The following ZDHHC15 variants were observed in gnomAD, a reference collection of about 807,000 sequenced individuals.
ZDHHC15 encodes palmitoyltransferase ZDHHC15.
A neutral mutation model predicts 31.7 loss-of-function variants in ZDHHC15; 19 were observed. The observed-to-expected ratio is 0.60, with a 90% CI of 0.42 to 0.88. The LOEUF (loss-of-function observed/expected upper bound fraction) is 0.88. Among genes scored for constraint, ZDHHC15 ranks in the 40% least tolerant of loss-of-function variants. The pLI is 0.00. For missense variants in ZDHHC15, 209 were observed against 251.2 expected, an observed-to-expected ratio of 0.83 and a Z score of 1.14; for synonymous variants, 103 against 90.0, an observed-to-expected ratio of 1.14 and a Z score of -0.82.
At chrX:75,478,309 T>A (rs748297609) in intron 3 of ZDHHC15, among the ~76,000 whole-genome samples, 1 of 111,741 alleles carries the variant, frequency 8.9e-6, no homozygotes, top group South Asian at 3.8e-4. Flanking sequence ...TTCATAGAAT[T>A]GAATTAGATG....
intron 10 of ZDHHC15, among the ~76,000 whole-genome samples, chrX:75,385,048 A>G (rs1365967109): frequency 1.8e-5 from 2 of 111,947 alleles, no homozygotes; most frequent in African/African-American, 6.5e-5. Context: ...GGCAGTTTTG[A>G]AATTCCTAGG....
chrX:75,413,667 GA>G (rs773081879), intron 10 of ZDHHC15, among the ~76,000 whole-genome samples: 56 of 60,849 alleles, frequency 9.2e-4, no homozygotes, highest in Non-Finnish European at 1.4e-3. Flanking sequence ...TCCGTCTCAA[GA>G]AAAAAAAAAA....
At position 75,384,719 on chromosome X, in the gene ZDHHC15, G is replaced by C. The variant is rs969410126; in HGVS notation, c.968-5521C>G. ...AAATAAGCCAAAGAGAAAGGTACCT[G>C]TGTTCAACTAAAGTGCCAGCCTGCT... is the stretch of plus-strand genomic sequence containing the variant. On this transcript the variant is annotated intron_variant, in intron 10 of 11. Coordinates refer to ENST00000373367, the MANE Select transcript of ZDHHC15 (RefSeq NM_144969.3). 3.7e-5 allele frequency: 30 copies of C among 805,279 alleles called. No individual in the cohort carries two copies. In the African/African-American group the frequency reaches 5.9e-4, roughly 16 times the overall value. 66.4% of individuals were successfully genotyped at this position (805,279 alleles called of 1,213,427 possible).
chrX:75,379,652 T>A (rs747895554), intron 10 of ZDHHC15, among the ~76,000 whole-genome samples: 1 of 112,301 alleles, frequency 8.9e-6, no homozygotes, highest in South Asian at 3.7e-4. Context: ...ACAAGCAACA[T>A]CATTTATGGT....
chrX:75,451,582 G>A (rs1395958451), intron 3 of ZDHHC15, among the ~76,000 whole-genome samples: 5 of 111,370 alleles, frequency 4.5e-5, no homozygotes, highest in African/African-American at 9.8e-5. Flanking sequence ...TATCTGTGCC[G>A]AAGGGTAGAC....
At chrX:75,492,277 G>A (rs1052858454) in intron 2 of ZDHHC15, among the ~76,000 whole-genome samples, 3 of 111,451 alleles carry the variant, frequency 2.7e-5, no homozygotes, top group Admixed American at 1.9e-4. Flanking sequence ...CCAGATTCAT[G>A]AAGCAAGTCC....
chrX:75,395,782 CT>C (rs1439333819), intron 10 of ZDHHC15, among the ~76,000 whole-genome samples: 2 of 111,576 alleles, frequency 1.8e-5, no homozygotes, highest in Non-Finnish European at 3.8e-5. Context: ...CATTACCTGA[CT>C]GCAAAGCAGA....
At chrX:75,454,143 T>C (rs1310392868) in intron 3 of ZDHHC15, among the ~76,000 whole-genome samples, 1 of 111,603 alleles carries the variant, frequency 9.0e-6, no homozygotes, top group Admixed American at 9.5e-5. Flanking sequence ...GAAAACCCCA[T>C]CGTCTCAGCC....
intron 2 of ZDHHC15, among the ~76,000 whole-genome samples, chrX:75,495,713 T>C (rs1442915947): frequency 4.2e-5 from 4 of 95,177 alleles, no homozygotes; most frequent in African/African-American, 1.6e-4. Context: ...TTCTCACTCA[T>C]AGGTGGGAAT....
In ZDHHC15 at chrX:75,410,008, C is replaced by T. The variant is rs139767630; in HGVS notation, c.967+7079G>A. ...TAGAAAGAACAGTCTCTTCAGCTGA[C>T]GGTGCTGTGAAAACTGGACAACCAT... On this transcript the variant is annotated intron_variant, in intron 10 of 11. Coordinates refer to ENST00000373367, the MANE Select transcript of ZDHHC15 (RefSeq NM_144969.3). Among the ~76,000 whole-genome samples, 121 of 110,585 alleles carry T rather than the reference C, an allele frequency of 1.1e-3. 1 individual carries two copies. The East Asian group carries it at 0.027, about 25-fold the overall frequency.
At chrX:75,505,537 C>A (rs1024616681) in intron 2 of ZDHHC15, among the ~76,000 whole-genome samples, 13 of 110,753 alleles carry the variant, frequency 1.2e-4, no homozygotes, top group Non-Finnish European at 2.3e-4. Context: ...CAGTGTTGAA[C>A]AAAGAGACAG....
intron 9 of ZDHHC15, among the ~76,000 whole-genome samples, chrX:75,417,958 G>T (rs766222988): frequency 8.9e-6 from 1 of 112,066 alleles, no homozygotes; most frequent in East Asian, 2.8e-4. Context: ...GTGGTAAATT[G>T]AAATTTGACA....
chrX:75,404,195 C>A (rs1203058757), intron 10 of ZDHHC15, among the ~76,000 whole-genome samples: 1 of 111,750 alleles, frequency 8.9e-6, no homozygotes, highest in African/African-American at 3.2e-5. Context: ...TAAAGCTGGA[C>A]CCCTTCCTTA....
chrX:75,500,126 G>A (rs1246513670), intron 2 of ZDHHC15, among the ~76,000 whole-genome samples: 1 of 110,294 alleles, frequency 9.1e-6, no homozygotes, highest in Non-Finnish European at 1.9e-5. Flanking sequence ...TTAGGGGAAG[G>A]ATGGGAGTGG....
chrX:75,509,870 A>C (rs2085233496), intron 1 of ZDHHC15, among the ~76,000 whole-genome samples: 1 of 112,455 alleles, frequency 8.9e-6, no homozygotes, highest in Admixed American at 9.4e-5. Context: ...AGGACAAAAC[A>C]AGTCTGATTT....
intron 3 of ZDHHC15, among the ~76,000 whole-genome samples, chrX:75,464,435 A>G (rs1345000451): frequency 9.0e-6 from 1 of 111,325 alleles, no homozygotes; most frequent in African/African-American, 3.3e-5. Context: ...AAAGTATAAT[A>G]AAATAAAATA....
chrX:75,480,130 A>G (rs997332536), intron 2 of ZDHHC15, among the ~76,000 whole-genome samples: 2 of 111,125 alleles, frequency 1.8e-5, no homozygotes, highest in African/African-American at 6.5e-5. Flanking sequence ...TGAGCCTCTC[A>G]TACATTTATA....
At chrX:75,496,343 C>T (rs1288882648) in intron 2 of ZDHHC15, among the ~76,000 whole-genome samples, 2 of 111,310 alleles carry the variant, frequency 1.8e-5, no homozygotes, top group Non-Finnish European at 3.8e-5. Context: ...CTTGTGCTCC[C>T]AAATTTATGA....
intron 3 of ZDHHC15, among the ~76,000 whole-genome samples, chrX:75,456,124 C>A (rs1404087060): frequency 9.0e-6 from 1 of 111,548 alleles, no homozygotes. Flanking sequence ...CAATGATAGA[C>A]TGGATTAAGA....
Sources: gnomAD v4.1 joint callset for allele counts (sites outside exome capture counted in the v4.1 genomes callset) on GRCh38, gnomAD v4.1.1 for gene constraint, MANE v1.5 for transcripts, NCBI Gene and HGNC (gene_info 2026-07-23, HGNC 2026-07-21) for gene names.